The following ATP6V1A variants were observed in gnomAD, a reference collection of about 807,000 sequenced individuals.
ATP6V1A encodes ATPase H+ transporting V1 subunit A.
Under a neutral mutation model 70.1 loss-of-function variants are expected in ATP6V1A, and 18 were observed. That is an observed-to-expected ratio of 0.26 (90% CI 0.18 to 0.38). The LOEUF (loss-of-function observed/expected upper bound fraction) is 0.38. ATP6V1A is among the 10% of genes least tolerant of loss of function. The pLI, the probability that ATP6V1A is intolerant of heterozygous loss-of-function variation, is 1.00. For synonymous variants in ATP6V1A, 232 were observed against 253.8 expected, an observed-to-expected ratio of 0.91 and a Z score of 0.82; for missense variants, 424 against 772.4, an observed-to-expected ratio of 0.55 and a Z score of 5.35.
chr3:113,758,270 T>G (rs1025978386), intron 1 of ATP6V1A, among the ~76,000 whole-genome samples: 1 of 152,178 alleles, frequency 6.6e-6, no homozygotes, highest in Non-Finnish European at 1.5e-5. Context: ...AAAAAATAAT[T>G]TTATTGATAT....
intron 2 of ATP6V1A, chr3:113,780,706 TAA>T (rs1183596625): frequency 7.0e-6 from 9 of 1,277,496 alleles, no homozygotes; most frequent in Non-Finnish European, 9.1e-6. Flanking sequence ...TTTCTACTTT[TAA>T]AAGTTTTTTT....
intron 1 of ATP6V1A, among the ~76,000 whole-genome samples, chr3:113,761,175 A>G (rs1559749451): frequency 6.6e-6 from 1 of 151,676 alleles, no homozygotes; most frequent in African/African-American, 2.4e-5. Context: ...CCTGGACTCA[A>G]GCGTGATCCT....
At position 113,757,785 on chromosome 3, in the gene ATP6V1A, C is replaced by G. The variant is rs1297306606; in HGVS notation, c.-14+10672C>G. On this transcript the variant is annotated intron_variant, in intron 1 of 14. Transcript: ENST00000273398. ...TTTGGCTAAGTTTTCATCTGTTGCCCCTATGCTGTTTCTAGGGTTAAAATT... is the reference window on the plus strand; with the variant it reads ...TTTGGCTAAGTTTTCATCTGTTGCCGCTATGCTGTTTCTAGGGTTAAAATT... Among the ~76,000 whole-genome samples the G allele has an allele frequency of 3.9e-5, 6 of 152,112 alleles. No individual in the cohort carries two copies. The East Asian group carries it at 1.2e-3, about 29-fold the overall frequency.
In ATP6V1A at chr3:113,775,667, C is replaced by T. The variant is rs114906640; in HGVS notation, c.-13-3074C>T. Among the ~76,000 whole-genome samples, 637 of 152,264 alleles carry T rather than the reference C, an allele frequency of 4.2e-3. 4 individuals are homozygous for T. Among genetic ancestry groups the T allele is most frequent in the African/African-American group, 0.014 (562 of 41,546 alleles). On this transcript the variant is annotated intron_variant, in intron 1 of 14. Coordinates refer to ENST00000273398, the MANE Select transcript of ATP6V1A (RefSeq NM_001690.4). The stretch of plus-strand genomic sequence containing the variant: ...GTTCTGCAGCATGTTATTGGTAGGA[C>T]CAGGATGTGATCCCAAGTCTGCTGA...
At chr3:113,788,971 C>A in intron 7 of ATP6V1A, 96 bp downstream of exon 7, 2 of 1,077,904 alleles carry the variant, frequency 1.9e-6, no homozygotes, top group Non-Finnish European at 2.7e-6. Flanking sequence ...TGGAGCAATG[C>A]TGTCATTCGT....
At chr3:113,798,868 A>T (rs1384042607) in intron 12 of ATP6V1A, among the ~76,000 whole-genome samples, 1 of 152,192 alleles carries the variant, frequency 6.6e-6, no homozygotes, top group African/African-American at 2.4e-5. Flanking sequence ...AATTTAGGCA[A>T]ATTAAATGCC....
At chr3:113,754,313 C>T (rs1012143789) in intron 1 of ATP6V1A, among the ~76,000 whole-genome samples, 3 of 152,174 alleles carry the variant, frequency 2.0e-5, no homozygotes, top group East Asian at 3.9e-4. Flanking sequence ...CGCTTGAGCC[C>T]GGTGTTGGAG....
chr3:113,776,451 A>G lies in ATP6V1A; in HGVS notation c.-13-2290A>G, dbSNP rs375452776. Reference sequence around the variant, plus strand: ...TTGGTGTACACTTCTGCAAGTTGGAATCAGTTTCTCCTGTGCTCCCAAGGT... The same window carrying G: ...TTGGTGTACACTTCTGCAAGTTGGAGTCAGTTTCTCCTGTGCTCCCAAGGT... On this transcript the variant is annotated intron_variant, in intron 1 of 14. Transcript: ENST00000273398. Among the ~76,000 whole-genome samples the G allele has an allele frequency of 9.8e-5, 15 of 152,314 alleles. No individual in the cohort carries two copies. In the East Asian group the frequency reaches 2.3e-3, roughly 23 times the overall value.
At chr3:113,785,864 C>CT (rs567833457) in intron 5 of ATP6V1A, among the ~76,000 whole-genome samples, 2,846 of 130,784 alleles carry the variant, frequency 0.022, 44 homozygotes, top group Middle Eastern at 0.04. Flanking sequence ...TTCTTTCTTT[C>CT]TTTTTTTTTT....
intron 5 of ATP6V1A, 24 bp downstream of exon 5, chr3:113,784,857 C>G (rs1273266179): frequency 1.2e-6 from 2 of 1,610,062 alleles, no homozygotes; most frequent in Non-Finnish European, 1.7e-6. Flanking sequence ...GAACTTTATC[C>G]TGCAGAGTGC....
rs527337237 is a variant in ATP6V1A at position 113,754,235 on chromosome 3, A to T, written c.-14+7122A>T. On this transcript the variant is annotated intron_variant, in intron 1 of 14. Coordinates refer to ENST00000273398, the MANE Select transcript of ATP6V1A (RefSeq NM_001690.4). ...GACATGAAGTGTTTCTGTAATTAGG[A>T]AAAACAGGCTGGGCATGGTGGCTCA... 8.5e-5 allele frequency among the ~76,000 whole-genome samples: 13 copies of T among 152,282 alleles called. No homozygotes were observed. In the Middle Eastern group the frequency reaches 0.01, roughly 120 times the overall value.
At chr3:113,772,941 T>G (rs551392874) in intron 1 of ATP6V1A, among the ~76,000 whole-genome samples, 1 of 125,456 alleles carries the variant, frequency 8.0e-6, no homozygotes, top group African/African-American at 3.2e-5. Context: ...GGCTTTTTTT[T>G]TTTTTTTTTT....
chr3:113,794,005 A>T (rs2108037440), intron 8 of ATP6V1A, among the ~76,000 whole-genome samples: 1 of 152,208 alleles, frequency 6.6e-6, no homozygotes, highest in African/African-American at 2.4e-5. Context: ...GGCAGGCGTT[A>T]TTCCATTTTT....
rs750763595 is a variant in ATP6V1A at position 113,809,323 on chromosome 3, G to A, written c.1762-12G>A. 1.3e-6 allele frequency: 2 copies of A among 1,599,368 alleles called. No homozygotes were observed. The highest frequency in any genetic ancestry group is 2.2e-5 in the East Asian group (1 of 44,568). On this transcript the variant is annotated splice_polypyrimidine_tract_variant and intron_variant, in intron 14 of 14. Transcript: ENST00000273398. ...TCCAAATGCGAGTTGAATTTGTAATGTCTTCTTTCAGGATCCACTGAAAGA... is the reference window on the plus strand; with the variant it reads ...TCCAAATGCGAGTTGAATTTGTAATATCTTCTTTCAGGATCCACTGAAAGA...
At chr3:113,802,145 A>G (rs1709220501) in intron 12 of ATP6V1A, among the ~76,000 whole-genome samples, 1 of 152,106 alleles carries the variant, frequency 6.6e-6, no homozygotes, top group Non-Finnish European at 1.5e-5. Context: ...GTAAAATAGC[A>G]CTCAGACATA....
In ATP6V1A at chr3:113,761,918, C is replaced by T. The variant is rs1345022399; in HGVS notation, c.-14+14805C>T. On this transcript the variant is annotated intron_variant, in intron 1 of 14. Coordinates refer to ENST00000273398, the MANE Select transcript of ATP6V1A (RefSeq NM_001690.4). ...CTGTAATCCCAGCACTTTGGGAGGC[C>T]AAAGCGGGCGGATCACCTGAGGTCA... 1.6e-5 allele frequency among the ~76,000 whole-genome samples: 2 copies of T among 122,756 alleles called. 1 individual carries two copies. Among genetic ancestry groups the T allele is most frequent in the East Asian group, 5.2e-4 (2 of 3,824 alleles). The allele number at this position is 122,756 out of a possible 152,430, so 80.5% of individuals were successfully genotyped here. A position where few individuals can be genotyped will look rare whatever the true frequency, so the allele number is the denominator to read the frequency against.
At chr3:113,799,069 A>C (rs1049770277) in intron 12 of ATP6V1A, among the ~76,000 whole-genome samples, 21 of 152,180 alleles carry the variant, frequency 1.4e-4, no homozygotes, top group African/African-American at 5.1e-4. Flanking sequence ...ATATTCTCTT[A>C]TCTGCCCAAT....
chr3:113,767,321 ACCTC>A (rs1708784138), intron 1 of ATP6V1A, among the ~76,000 whole-genome samples: 1 of 151,978 alleles, frequency 6.6e-6, no homozygotes, highest in Non-Finnish European at 1.5e-5. Flanking sequence ...CCAACTCCTG[ACCTC>A]ATCCACCTGC....
intron 3 of ATP6V1A, among the ~76,000 whole-genome samples, chr3:113,783,593 C>T (rs765608996): frequency 6.6e-6 from 1 of 152,132 alleles, no homozygotes; most frequent in Non-Finnish European, 1.5e-5. Context: ...TTTGCAGAGT[C>T]ATTCTGAGAA....
Sources: gnomAD v4.1 joint callset for allele counts (sites outside exome capture counted in the v4.1 genomes callset) on GRCh38, gnomAD v4.1.1 for gene constraint, MANE v1.5 for transcripts, NCBI Gene and HGNC (gene_info 2026-07-23, HGNC 2026-07-21) for gene names.